MILR1: variants seen among roughly 807,000 people sequenced by gnomAD.
The protein encoded by MILR1 is allergin-1.
A neutral mutation model predicts 18.5 loss-of-function variants in MILR1; 31 were observed. That is an observed-to-expected ratio of 1.68 (90% CI 1.26 to 2.26). MILR1 has a LOEUF of 2.26. Among genes scored for constraint, MILR1 ranks in the 30% most tolerant of loss-of-function variants. The probability of loss-of-function intolerance (pLI) is 0.00; values close to 1 mark genes in which losing one functional copy is unlikely to be tolerated. For synonymous variants in MILR1, 85 were observed against 56.2 expected (o/e 1.51, Z -2.30); for missense variants, 257 against 157.4 (o/e 1.63, Z -3.38).
the MILR1 span, among the ~76,000 whole-genome samples, chr17:64,475,773 C>T: frequency 2.0e-5 from 3 of 151,048 alleles, no homozygotes; most frequent in Non-Finnish European, 2.9e-5. Flanking sequence ...GCTGGCCACC[C>T]CAAAAAAGAA....
At chr17:64,457,162 C>T (rs1385778626) in intron 3 of MILR1, among the ~76,000 whole-genome samples, 1 of 152,158 alleles carries the variant, frequency 6.6e-6, no homozygotes. Flanking sequence ...AGATGCCCTC[C>T]ACTCTCTGGC....
At chr17:64,457,207 A>G (rs2037318033) in intron 3 of MILR1, among the ~76,000 whole-genome samples, 193 bp from the exon 4 acceptor site, 1 of 152,052 alleles carries the variant, frequency 6.6e-6, no homozygotes, top group Non-Finnish European at 1.5e-5. Context: ...TCGGCTAACA[A>G]CACACTGCAC....
At chr17:64,455,899 G>T (rs2037287832) in intron 3 of MILR1, among the ~76,000 whole-genome samples, 1 of 151,966 alleles carries the variant, frequency 6.6e-6, no homozygotes, top group African/African-American at 2.4e-5. Context: ...AATTAGCTAG[G>T]CATGGTGGTG....
At chr17:64,450,180 C>T (rs925598252) in intron 2 of MILR1, among the ~76,000 whole-genome samples, 7 of 152,034 alleles carry the variant, frequency 4.6e-5, no homozygotes, top group Admixed American at 1.3e-4. Context: ...CCTCGTGATC[C>T]GCCCACCTTG....
At chr17:64,484,463 G>A in the MILR1 span, among the ~76,000 whole-genome samples, 80 of 152,148 alleles carry the variant, frequency 5.3e-4, no homozygotes, top group Non-Finnish European at 1.6e-4. Flanking sequence ...AGAGGGCTTC[G>A]GTTTTTCCTG....
chr17:64,470,995 G>A (rs998627398), downstream of MILR1, among the ~76,000 whole-genome samples: 11 of 152,094 alleles, frequency 7.2e-5, no homozygotes, highest in Non-Finnish European at 1.5e-4. Context: ...GAGCTGTGGC[G>A]TTCTAAGGGT....
At chr17:64,496,612 C>A in the MILR1 span, 12 of 1,613,922 alleles carry the variant, frequency 7.4e-6, no homozygotes, top group Non-Finnish European at 1.0e-5. Flanking sequence ...CCCTGAACAC[C>A]ACCACCGAGG....
the MILR1 span, among the ~76,000 whole-genome samples, chr17:64,494,596 T>C: frequency 1.3e-5 from 2 of 152,152 alleles, no homozygotes; most frequent in African/African-American, 4.8e-5. Flanking sequence ...CCCCGACCTC[T>C]AGGGTCAATT....
chr17:64,487,012 C>A, the MILR1 span: 2 of 151,574 alleles, frequency 1.3e-5, no homozygotes, highest in Non-Finnish European at 2.9e-5. Context: ...TTTTGTAAAT[C>A]ATTGTTCACC....
At chr17:64,468,280 C>G (rs1555663872) in intron 9 of MILR1, 30 bp from the exon 10 acceptor site, 2 of 455,630 alleles carry the variant, frequency 4.4e-6, no homozygotes, top group Non-Finnish European at 8.8e-6. Flanking sequence ...CTTTTATATT[C>G]TCTCTTGTCT....
chr17:64,494,777 C>A, the MILR1 span, among the ~76,000 whole-genome samples: 1 of 152,180 alleles, frequency 6.6e-6, no homozygotes, highest in African/African-American at 2.4e-5. Context: ...TCAAGCAATT[C>A]TTTGCTTTTT....
chr17:64,459,181 C>A (rs1426976651), intron 4 of MILR1, among the ~76,000 whole-genome samples: 2 of 152,134 alleles, frequency 1.3e-5, no homozygotes, highest in Non-Finnish European at 2.9e-5. Flanking sequence ...ACCTGTAATT[C>A]CAGCATTTTG....
the MILR1 span, chr17:64,496,843 C>A: frequency 2.5e-6 from 4 of 1,613,852 alleles, no homozygotes; most frequent in Non-Finnish European, 2.5e-6. Context: ...ACTTCACATG[C>A]CCTCCTTTGG....
At chr17:64,450,206 G>A (rs1373860424) in intron 2 of MILR1, among the ~76,000 whole-genome samples, 1 of 152,116 alleles carries the variant, frequency 6.6e-6, no homozygotes, top group Non-Finnish European at 1.5e-5. Context: ...CCAAAGTGCT[G>A]GGATTACAGG....
At chr17:64,495,659 CTT>C in the MILR1 span, among the ~76,000 whole-genome samples, 3 of 152,192 alleles carry the variant, frequency 2.0e-5, no homozygotes, top group African/African-American at 7.2e-5. Flanking sequence ...CATATTATCT[CTT>C]CTTTTACAAT....
the MILR1 span, chr17:64,492,728 G>C: frequency 6.2e-7 from 1 of 1,613,120 alleles, no homozygotes; most frequent in Non-Finnish European, 8.5e-7. Flanking sequence ...TGAAGTTCTC[G>C]GAGGAGTAAA....
At chr17:64,464,570 C>A (rs1445837254) in intron 5 of MILR1, among the ~76,000 whole-genome samples, 3 of 150,430 alleles carry the variant, frequency 2.0e-5, no homozygotes, top group African/African-American at 7.5e-5. Context: ...AAACATGTTT[C>A]TCCTTCTTAT....
chr17:64,468,521 TCA>T lies in MILR1; in HGVS notation c.*241_*242del. 18 of 662,066 alleles carry T rather than the reference TCA, an allele frequency of 2.7e-5. No individual in the cohort carries two copies. Among genetic ancestry groups the T allele is most frequent in the Non-Finnish European group, 3.6e-5 (17 of 474,194 alleles). The allele number at this position is 662,066 out of a possible 1,614,324, so 41.0% of individuals were successfully genotyped here. On this transcript the variant is annotated 3_prime_UTR_variant, in exon 10 of 10. Coordinates refer to ENST00000619286, the MANE Select transcript of MILR1 (RefSeq NM_001085423.2). The stretch of plus-strand genomic sequence containing the variant: ...CCAGGCTGGTCTTGAACTCCTGACC[TCA>T]GATGATCTGCCTGCCTCGGCCTCCC...
At chr17:64,481,087 C>A in the MILR1 span, among the ~76,000 whole-genome samples, 1 of 152,182 alleles carries the variant, frequency 6.6e-6, no homozygotes, top group Non-Finnish European at 1.5e-5. Context: ...ACTGCTGACC[C>A]AGGGTGTTTA....
Sources: gnomAD v4.1 joint callset for allele counts (sites outside exome capture counted in the v4.1 genomes callset) on GRCh38, gnomAD v4.1.1 for gene constraint, MANE v1.5 for transcripts, NCBI Gene and HGNC (gene_info 2026-07-23, HGNC 2026-07-21) for gene names.